PCBD1: variants seen among roughly 807,000 people sequenced by gnomAD.
The protein encoded by PCBD1 is pterin-4-alpha-carbinolamine dehydratase.
PCBD1 carries 16 observed loss-of-function variants against 12.6 expected under a neutral mutation model. That is an observed-to-expected ratio of 1.27 (90% CI 0.86 to 1.93). The LOEUF (loss-of-function observed/expected upper bound fraction) is 1.93, where lower values mean the gene tolerates loss of function less well. Ranked by LOEUF, PCBD1 falls within the 30% of genes most tolerant of loss-of-function variation. The pLI, the probability that PCBD1 is intolerant of heterozygous loss-of-function variation, is 0.00. For missense variants in PCBD1, 86 were observed against 130.1 expected (o/e 0.66, Z 1.65); for synonymous variants, 53 against 50.2 (o/e 1.05, Z -0.23).
chr10:70,888,414 C>G, intron 1 of PCBD1, 117 bp downstream of exon 1: 1 of 1,211,984 alleles, frequency 8.3e-7, no homozygotes, highest in Non-Finnish European at 1.1e-6. Context: ...ACTTTCGGAC[C>G]CCGGCGGCTC....
At chr10:70,887,580 A>G (rs556627728) in intron 1 of PCBD1, among the ~76,000 whole-genome samples, 2 of 151,992 alleles carry the variant, frequency 1.3e-5, no homozygotes, top group Non-Finnish European at 2.9e-5. Context: ...GGGTGAGTCC[A>G]GGTGAGCTCT....
intron 1 of PCBD1, among the ~76,000 whole-genome samples, chr10:70,887,294 C>G (rs1341145622): frequency 6.6e-6 from 1 of 152,168 alleles, no homozygotes; most frequent in Non-Finnish European, 1.5e-5. Context: ...CATCGCAGTG[C>G]TTTCCTAAGT....
Position 70,885,156 on chromosome 10 carries a change from TTG to T in PCBD1, c.210_211del (p.Tyr70Ter). 6.2e-7 allele frequency: 1 copy of T among 1,613,330 alleles called. No individual in the cohort carries two copies. Among genetic ancestry groups the T allele is most frequent in the Non-Finnish European group, 8.5e-7 (1 of 1,179,598 alleles). On this transcript the variant is annotated stop_gained and frameshift_variant, in exon 3 of 4. Transcript: ENST00000299299. LOFTEE classifies it high-confidence loss of function. Reference sequence around the variant, plus strand: ...GAGGCACACAGCATCACTCACCTTGTTGTACACGTTAAACCATTCAGGATGGT... The same window carrying T: ...GAGGCACACAGCATCACTCACCTTGTTACACGTTAAACCATTCAGGATGGT...
At position 70,885,870 on chromosome 10, in the gene PCBD1, C is replaced by CCT; in HGVS notation, c.61_62dup (p.Ala22GlyfsTer30). Reference sequence around the variant, plus strand: ...CTTCCAGCTCATTCCACCCCACAGCCCTCAGGTTTGGCAGCAGCTGGTCCC... The same window carrying CCT: ...CTTCCAGCTCATTCCACCCCACAGCCCTCTCAGGTTTGGCAGCAGCTGGTCCC... On this transcript the variant is annotated frameshift_variant, in exon 2 of 4. Coordinates refer to ENST00000299299, the MANE Select transcript of PCBD1 (RefSeq NM_000281.4). LOFTEE classifies it high-confidence loss of function. 1 of 1,614,118 alleles carries CCT rather than the reference C, an allele frequency of 6.2e-7. No homozygotes were observed. The highest frequency in any genetic ancestry group is 8.5e-7 in the Non-Finnish European group (1 of 1,180,002).
intron 1 of PCBD1, among the ~76,000 whole-genome samples, chr10:70,887,420 A>C (rs1332701331): frequency 6.6e-6 from 1 of 152,140 alleles, no homozygotes; most frequent in Non-Finnish European, 1.5e-5. Context: ...GAATGGCAGC[A>C]GCGATTTGCA....
At chr10:70,888,475 C>T in intron 1 of PCBD1, 56 bp downstream of exon 1, 1 of 1,458,950 alleles carries the variant, frequency 6.9e-7, no homozygotes, top group South Asian at 1.3e-5. Flanking sequence ...TCCCACCTCG[C>T]CCGCGGCTGC....
rs1395044766 is a variant in PCBD1 at position 70,888,559 on chromosome 10, C to A, written c.-26G>T. ...GGCGCGGGCGGCAGCAGGTGGCCAGCGGAGAGGGCAGGCGGCGGCCGGGCG... is the reference window on the plus strand; with the variant it reads ...GGCGCGGGCGGCAGCAGGTGGCCAGAGGAGAGGGCAGGCGGCGGCCGGGCG... On this transcript the variant is annotated 5_prime_UTR_variant, in exon 1 of 4. Transcript: ENST00000299299. The A allele has an allele frequency of 8.1e-7, 1 of 1,227,996 alleles. No homozygotes were observed. The allele number at this position is 1,227,996 out of a possible 1,614,324, so 76.1% of individuals were successfully genotyped here.
chr10:70,883,891 C>A lies in PCBD1; in HGVS notation c.*59G>T. 1.3e-6 allele frequency: 2 copies of A among 1,577,376 alleles called. No individual in the cohort carries two copies. The highest frequency in any genetic ancestry group is 2.3e-5 in the East Asian group (1 of 43,534). ...GGGTAAGGGCTCCTCAGCTCCCTCC[C>A]TGGACTCCCAGTTCAGTCACCCCTT... On this transcript the variant is annotated 3_prime_UTR_variant, in exon 4 of 4. Transcript: ENST00000299299.
Position 70,883,613 on chromosome 10 carries a change from C to T in PCBD1, c.*337G>A, listed in dbSNP as rs568709521. 1.2e-5 allele frequency: 15 copies of T among 1,210,614 alleles called. No individual in the cohort carries two copies. The East Asian group carries it at 2.4e-4, about 20-fold the overall frequency. The allele number at this position is 1,210,614 out of a possible 1,614,324, so 75.0% of individuals were successfully genotyped here. ...TTTCTAAGACAAGACTTTATTTCACCCTGTATCACAGCTTCCTGGGAAATG... is the reference window on the plus strand; with the variant it reads ...TTTCTAAGACAAGACTTTATTTCACTCTGTATCACAGCTTCCTGGGAAATG... On this transcript the variant is annotated 3_prime_UTR_variant, in exon 4 of 4. Transcript: ENST00000299299.
chr10:70,888,376 C>G, intron 1 of PCBD1, 155 bp downstream of exon 1: 1 of 815,116 alleles, frequency 1.2e-6, no homozygotes, highest in African/African-American at 1.9e-5. Flanking sequence ...TCCCCGCCGC[C>G]AGCGACAGAG....
At chr10:70,888,394 C>T in intron 1 of PCBD1, 137 bp downstream of exon 1, 1 of 984,244 alleles carries the variant, frequency 1.0e-6, no homozygotes, top group Non-Finnish European at 1.4e-6. Flanking sequence ...GAGAGCCGGG[C>T]AGAGACCCCA....
Position 70,883,647 on chromosome 10 carries a change from A to G in PCBD1, c.*303T>C. The G allele has an allele frequency of 7.9e-7, 1 of 1,270,738 alleles. No individual in the cohort carries two copies. Among genetic ancestry groups the G allele is most frequent in the Non-Finnish European group, 1.0e-6 (1 of 996,156 alleles). 78.7% of individuals were successfully genotyped at this position (1,270,738 alleles called of 1,614,324 possible). On this transcript the variant is annotated 3_prime_UTR_variant, in exon 4 of 4. Transcript: ENST00000299299. ...CAGCTTCCTGGGAAATGAATTAGGG[A>G]GCAAGAGACGGCCTGGCAAGAAAAT...
At chr10:70,887,335 G>A (rs1846599685) in intron 1 of PCBD1, among the ~76,000 whole-genome samples, 1 of 152,102 alleles carries the variant, frequency 6.6e-6, no homozygotes, top group African/African-American at 2.4e-5. Flanking sequence ...TTTCCCTCCT[G>A]AAAACGTGAG....
Position 70,883,982 on chromosome 10 carries a change from A to G in PCBD1, c.283T>C (p.Phe95Leu). The part of the protein sequence containing the change: ...LSERDINLAS[F>L]IEQVAVSMT The stretch of plus-strand genomic sequence containing the variant: ...ATGGACACTGCTACTTGTTCGATGA[A>G]GCTGGCCAGGTTTATGTCCCGTTCT... The change falls in exon 4 of 4, where the codon TTC becomes CTC. Residue 95 changes from phenylalanine to leucine, a missense_variant. Transcript: ENST00000299299. The G allele has an allele frequency of 6.2e-7, 1 of 1,614,110 alleles. No individual in the cohort carries two copies. The highest frequency in any genetic ancestry group is 8.5e-7 in the Non-Finnish European group (1 of 1,180,014).
Position 70,885,161 on chromosome 10 carries a change from C to G in PCBD1, c.207G>C (p.Val69=), listed in dbSNP as rs1265409893. Reference sequence around the variant, plus strand: ...ACACAGCATCACTCACCTTGTTGTACACGTTAAACCATTCAGGATGGTGGT... The same window carrying G: ...ACACAGCATCACTCACCTTGTTGTAGACGTTAAACCATTCAGGATGGTGGT... ...KLDHHPEWFN[V]YNKVHITLST... is the part of the protein sequence containing the mutation. Residue 69 remains valine (V), a synonymous_variant, in exon 3 of 4, where the codon GTG becomes GTC. Coordinates refer to ENST00000299299, the MANE Select transcript of PCBD1 (RefSeq NM_000281.4). 1 of 1,613,474 alleles carries G rather than the reference C, an allele frequency of 6.2e-7. No homozygotes were observed. Among genetic ancestry groups the G allele is most frequent in the Non-Finnish European group, 8.5e-7 (1 of 1,179,688 alleles).
At chr10:70,884,257 A>G (rs1846546988) in intron 3 of PCBD1, among the ~76,000 whole-genome samples, 1 of 152,204 alleles carries the variant, frequency 6.6e-6, no homozygotes, top group South Asian at 2.1e-4. Flanking sequence ...CTTCAGCTAT[A>G]GAATAAAAGC....
chr10:70,886,035 C>A, intron 1 of PCBD1, 106 bp from the exon 2 acceptor site: 1 of 1,438,322 alleles, frequency 7.0e-7, no homozygotes, highest in Admixed American at 1.9e-5. Context: ...CTGCTTTGGA[C>A]GTGGGTGACC....
At chr10:70,883,151 C>A (rs1186151938), downstream of PCBD1, among the ~76,000 whole-genome samples, 1 of 152,172 alleles carries the variant, frequency 6.6e-6, no homozygotes, top group Non-Finnish European at 1.5e-5. Context: ...TCCCAAGAAT[C>A]CTACCCAGGT....
chr10:70,883,950 C>CT lies in PCBD1; in HGVS notation c.314dup (p.Ter105=). The CT allele has an allele frequency of 6.2e-7, 1 of 1,613,506 alleles. No individual in the cohort carries two copies. Among genetic ancestry groups the CT allele is most frequent in the Non-Finnish European group, 8.5e-7 (1 of 1,179,838 alleles). The change falls in exon 4 of 4, where the codon TAG becomes TAAG. Residue 105 remains the stop codon, a frameshift_variant and stop_retained_variant. Coordinates refer to ENST00000299299, the MANE Select transcript of PCBD1 (RefSeq NM_000281.4). LOFTEE classifies it high-confidence loss of function. ...AGAATTCAAAGAGGAAGGGCAGGGT[C>CT]TATGTCATGGACACTGCTACTTGTT... The part of the protein sequence containing the change: ...FIEQVAVSMT[*]
Sources: gnomAD v4.1 joint callset for allele counts (sites outside exome capture counted in the v4.1 genomes callset) on GRCh38, gnomAD v4.1.1 for gene constraint, MANE v1.5 for transcripts, NCBI Gene and HGNC (gene_info 2026-07-23, HGNC 2026-07-21) for gene names.